MB21D2: variants seen among roughly 807,000 people sequenced by gnomAD.
MB21D2 encodes the protein Mab-21 domain containing 2.
In MB21D2, 9 loss-of-function variants were observed where a neutral mutation model predicts 33.3. The observed-to-expected ratio is 0.27, with a 90% CI of 0.16 to 0.47. The LOEUF (loss-of-function observed/expected upper bound fraction) is 0.47, where lower values mean the gene tolerates loss of function less well. Ranked by LOEUF, MB21D2 falls within the 20% of genes least tolerant of loss-of-function variation. The pLI is 0.99. For missense variants in MB21D2, 540 were observed against 624.6 expected (o/e 0.86, Z 1.44); for synonymous variants, 241 against 236.3 (o/e 1.02, Z -0.18).
At chr3:192,809,890 C>A (rs1474030416) in intron 1 of MB21D2, among the ~76,000 whole-genome samples, 1 of 152,214 alleles carries the variant, frequency 6.6e-6, no homozygotes, top group Non-Finnish European at 1.5e-5. Flanking sequence ...ACAACAGCAT[C>A]CCTGAAATTC....
chr3:192,908,995 C>T (rs892193364), intron 1 of MB21D2, among the ~76,000 whole-genome samples: 1 of 151,948 alleles, frequency 6.6e-6, no homozygotes, highest in Admixed American at 6.6e-5. Flanking sequence ...GTGGCTCACG[C>T]CTGTAATCCC....
intron 1 of MB21D2, among the ~76,000 whole-genome samples, chr3:192,895,141 G>GC (rs1331850670): frequency 6.6e-6 from 1 of 152,166 alleles, no homozygotes; most frequent in Non-Finnish European, 1.5e-5. Context: ...TTCTCAAGGG[G>GC]CCTGAAGGAA....
At chr3:192,911,915 T>C (rs1714365920) in intron 1 of MB21D2, among the ~76,000 whole-genome samples, 1 of 152,160 alleles carries the variant, frequency 6.6e-6, no homozygotes. Flanking sequence ...AATACAACTC[T>C]CGGGAACTTT....
At position 192,816,517 on chromosome 3, in the gene MB21D2, G is replaced by T. The variant is rs1201377100; in HGVS notation, c.212-16867C>A. On this transcript the variant is annotated intron_variant, in intron 1 of 1. Coordinates refer to ENST00000392452, the MANE Select transcript of MB21D2 (RefSeq NM_178496.4). ...TGCTGGACTGGCTGCAACCCAAAAA[G>T]TAAGGCCTGAGGTTGAACATAAATT... is the stretch of plus-strand genomic sequence containing the variant. 3.3e-5 allele frequency among the ~76,000 whole-genome samples: 5 copies of T among 152,134 alleles called. No individual in the cohort carries two copies. In the East Asian group the frequency reaches 9.6e-4, roughly 29 times the overall value.
At chr3:192,849,107 C>T (rs2108628473) in intron 1 of MB21D2, among the ~76,000 whole-genome samples, 1 of 152,268 alleles carries the variant, frequency 6.6e-6, no homozygotes, top group South Asian at 2.1e-4. Context: ...CCTGAAATGG[C>T]TGGCATTCCA....
intron 1 of MB21D2, among the ~76,000 whole-genome samples, chr3:192,829,400 C>T (rs1378960351): frequency 6.6e-6 from 1 of 152,160 alleles, no homozygotes; most frequent in East Asian, 1.9e-4. Flanking sequence ...GTGCGATCGC[C>T]GTTCCATTTT....
chr3:192,882,272 T>C (rs1713614351), intron 1 of MB21D2, among the ~76,000 whole-genome samples: 2 of 152,048 alleles, frequency 1.3e-5, no homozygotes, highest in Admixed American at 1.3e-4. Flanking sequence ...ATGGGGTTTC[T>C]CCATGTTGGT....
At chr3:192,877,003 T>C (rs1713445816) in intron 1 of MB21D2, among the ~76,000 whole-genome samples, 1 of 152,166 alleles carries the variant, frequency 6.6e-6, no homozygotes, top group Admixed American at 6.5e-5. Flanking sequence ...GAACAGCGCC[T>C]GAGTCCACAG....
At chr3:192,836,264 A>G (rs1316696364) in intron 1 of MB21D2, among the ~76,000 whole-genome samples, 1 of 152,100 alleles carries the variant, frequency 6.6e-6, no homozygotes, top group Non-Finnish European at 1.5e-5. Flanking sequence ...AGTTCACTCT[A>G]TTTTACTTTT....
At chr3:192,845,311 T>C (rs1277545090) in intron 1 of MB21D2, among the ~76,000 whole-genome samples, 1 of 152,196 alleles carries the variant, frequency 6.6e-6, no homozygotes, top group Non-Finnish European at 1.5e-5. Flanking sequence ...GGAAGGACAA[T>C]GTACCATTCC....
intron 1 of MB21D2, among the ~76,000 whole-genome samples, chr3:192,830,024 A>C (rs1028672045): frequency 3.3e-5 from 5 of 152,056 alleles, no homozygotes; most frequent in Non-Finnish European, 7.4e-5. Flanking sequence ...CACAATACCC[A>C]GATAATTTTT....
At chr3:192,852,336 C>T (rs551497379) in intron 1 of MB21D2, among the ~76,000 whole-genome samples, 2 of 152,310 alleles carry the variant, frequency 1.3e-5, no homozygotes, top group East Asian at 3.9e-4. Flanking sequence ...GAAAGAAAGC[C>T]ATAGGAAGCA....
intron 1 of MB21D2, among the ~76,000 whole-genome samples, chr3:192,909,966 A>AAAG (rs1553863068): frequency 5.3e-5 from 7 of 132,226 alleles, no homozygotes; most frequent in South Asian, 2.4e-4. Flanking sequence ...AAAAAAAAGA[A>AAAG]AGAGAGAGAG....
chr3:192,860,128 G>A (rs754823211), intron 1 of MB21D2, among the ~76,000 whole-genome samples: 19 of 152,190 alleles, frequency 1.2e-4, no homozygotes, highest in Non-Finnish European at 2.5e-4. Flanking sequence ...GCCAATGAAT[G>A]TAGGACAGGC....
intron 1 of MB21D2, among the ~76,000 whole-genome samples, chr3:192,849,136 A>T (rs1712732519): frequency 6.6e-6 from 1 of 151,994 alleles, no homozygotes; most frequent in South Asian, 2.1e-4. Context: ...ACAAACCACG[A>T]TCCTCTGGCC....
intron 1 of MB21D2, among the ~76,000 whole-genome samples, chr3:192,914,208 C>T (rs1577206164): frequency 2.0e-5 from 3 of 152,298 alleles, no homozygotes; most frequent in Admixed American, 2.0e-4. Context: ...TATCCACTTT[C>T]TTCACCCCAC....
chr3:192,913,481 T>G (rs114040709), intron 1 of MB21D2, among the ~76,000 whole-genome samples: 2,168 of 152,254 alleles, frequency 0.014, 58 homozygotes, highest in African/African-American at 0.049. Context: ...TTTCACATTC[T>G]GACATAACAG....
chr3:192,820,279 A>G (rs1019430637), intron 1 of MB21D2, among the ~76,000 whole-genome samples: 1 of 152,160 alleles, frequency 6.6e-6, no homozygotes, highest in Non-Finnish European at 1.5e-5. Flanking sequence ...AGATTGTAAA[A>G]AAGAAAACTA....
intron 1 of MB21D2, among the ~76,000 whole-genome samples, chr3:192,818,921 T>A (rs550810311): frequency 1.3e-5 from 2 of 152,296 alleles, no homozygotes; most frequent in African/African-American, 4.8e-5. Flanking sequence ...GGTCCCTCAA[T>A]ACAGTTCCCT....
Sources: allele counts gnomAD v4.1 joint callset (sites outside exome capture counted in the v4.1 genomes callset), GRCh38; gene constraint gnomAD v4.1.1; transcripts MANE v1.5; gene names NCBI Gene and HGNC (gene_info 2026-07-23, HGNC 2026-07-21).